SEC63: variants seen among roughly 807,000 people sequenced by gnomAD.
SEC63 encodes the protein translocation protein SEC63 homolog.
In SEC63, 56 loss-of-function variants were observed where a neutral mutation model predicts 116.2. The observed-to-expected ratio is 0.48, with a 90% CI of 0.39 to 0.60. The LOEUF (loss-of-function observed/expected upper bound fraction) is 0.60, where lower values mean the gene tolerates loss of function less well. Among genes scored for constraint, SEC63 ranks in the 20% least tolerant of loss-of-function variants. SEC63 has a pLI of 0.00. For missense variants in SEC63, 668 were observed against 900.0 expected (o/e 0.74, Z 3.30); for synonymous variants, 273 against 294.6 (o/e 0.93, Z 0.75).
rs747262600 is a variant in SEC63 at position 107,929,495 on chromosome 6, A to G, written c.144T>C (p.Asn48=). The change falls in exon 2 of 21, where the codon AAT becomes AAC. Residue 48 remains asparagine (N), a synonymous_variant. Coordinates refer to ENST00000369002, the MANE Select transcript of SEC63 (RefSeq NM_007214.5). ...TACACCTTCCATATACTTTTCTGATATTCTTTAATCGAATTTGCTCTGTCA... is the reference window on the plus strand; with the variant it reads ...TACACCTTCCATATACTTTTCTGATGTTCTTTAATCGAATTTGCTCTGTCA... ...DQNAEQIRLK[N]IRKVYGRCMW... The G allele has an allele frequency of 8.1e-6, 13 of 1,595,912 alleles. No individual in the cohort carries two copies. The East Asian group carries it at 2.9e-4, about 36-fold the overall frequency.
chr6:107,886,934 T>C (rs1390839074), intron 16 of SEC63, among the ~76,000 whole-genome samples: 1 of 151,916 alleles, frequency 6.6e-6, no homozygotes, highest in Non-Finnish European at 1.5e-5. Context: ...TTGCTTTTAG[T>C]GTTTTAGTCA....
chr6:107,873,341 A>G (rs1786176338), intron 19 of SEC63, among the ~76,000 whole-genome samples: 2 of 152,218 alleles, frequency 1.3e-5, no homozygotes, highest in Admixed American at 6.5e-5. Context: ...CCAAAGGTCA[A>G]GAAGATATTT....
At chr6:107,953,111 T>C (rs2114522172) in intron 1 of SEC63, among the ~76,000 whole-genome samples, 1 of 152,138 alleles carries the variant, frequency 6.6e-6, no homozygotes, top group African/African-American at 2.4e-5. Context: ...AATACAAAAA[T>C]AAGCCAGGCA....
At chr6:107,920,941 AC>A (rs1165382515) in intron 4 of SEC63, among the ~76,000 whole-genome samples, 2 of 152,214 alleles carry the variant, frequency 1.3e-5, no homozygotes, top group Non-Finnish European at 2.9e-5. Flanking sequence ...AAGGCATAAG[AC>A]CAACAAGGAA....
At chr6:107,954,318 C>T (rs1488201519) in intron 1 of SEC63, among the ~76,000 whole-genome samples, 10 of 151,796 alleles carry the variant, frequency 6.6e-5, no homozygotes, top group African/African-American at 2.2e-4. Flanking sequence ...TACCCAGGGA[C>T]ACAAACACTG....
chr6:107,935,292 C>T (rs1374004540), intron 1 of SEC63, among the ~76,000 whole-genome samples: 1 of 151,762 alleles, frequency 6.6e-6, no homozygotes. Flanking sequence ...GGGAGGTGTG[C>T]CCAACAGCTC....
intron 16 of SEC63, among the ~76,000 whole-genome samples, chr6:107,892,665 T>C (rs1786711254): frequency 2.6e-5 from 4 of 152,148 alleles, no homozygotes; most frequent in African/African-American, 9.7e-5. Context: ...ATTCCTACAA[T>C]TTCAGTAACA....
At chr6:107,905,576 A>G (rs546911581) in intron 10 of SEC63, among the ~76,000 whole-genome samples, 2 of 152,342 alleles carry the variant, frequency 1.3e-5, no homozygotes, top group African/African-American at 2.4e-5. Context: ...GCCTCCATCA[A>G]CTACTTTTCT....
chr6:107,906,633 T>C (rs1250169936), intron 9 of SEC63, 50 bp downstream of exon 9: 1 of 1,603,960 alleles, frequency 6.2e-7, no homozygotes, highest in African/African-American at 1.3e-5. Flanking sequence ...AAAAAAGTAT[T>C]CACTTTAATA....
At chr6:107,903,685 G>A (rs1038958470) in intron 11 of SEC63, among the ~76,000 whole-genome samples, 3 of 152,148 alleles carry the variant, frequency 2.0e-5, no homozygotes, top group Admixed American at 6.5e-5. Context: ...AGCCCTGGTA[G>A]ATGCTGTCTA....
Position 107,908,921 on chromosome 6 carries a change from A to G in SEC63, c.733+6T>C. ...TTAATAGCAAAGTTACTTAAAGTTT[A>G]CTTACGTTTCATATCCATATTTCGG... On this transcript the variant is annotated splice_donor_region_variant and intron_variant, in intron 8 of 20. Coordinates refer to ENST00000369002, the MANE Select transcript of SEC63 (RefSeq NM_007214.5). The G allele has an allele frequency of 1.3e-6, 2 of 1,537,144 alleles. No homozygotes were observed. Among genetic ancestry groups the G allele is most frequent in the Non-Finnish European group, 1.8e-6 (2 of 1,110,964 alleles).
At chr6:107,944,468 T>C in intron 1 of SEC63, among the ~76,000 whole-genome samples, 1 of 151,976 alleles carries the variant, frequency 6.6e-6, no homozygotes, top group East Asian at 1.9e-4. Context: ...GAGGCCGAGG[T>C]GGGCACATCA....
chr6:107,895,756 C>T (rs1442099112), intron 14 of SEC63, among the ~76,000 whole-genome samples: 1 of 151,514 alleles, frequency 6.6e-6, no homozygotes, highest in Non-Finnish European at 1.5e-5. Flanking sequence ...GGCATGGTGG[C>T]TCATGCCTGT....
chr6:107,882,418 A>G (rs547406464), intron 17 of SEC63, among the ~76,000 whole-genome samples: 9 of 152,122 alleles, frequency 5.9e-5, no homozygotes, highest in Non-Finnish European at 1.2e-4. Context: ...ATGCCATGAG[A>G]TTTTTCTCCT....
chr6:107,925,409 A>C lies in SEC63; in HGVS notation c.225-477T>G, dbSNP rs538128884. On this transcript the variant is annotated intron_variant, in intron 2 of 20. Coordinates refer to ENST00000369002, the MANE Select transcript of SEC63 (RefSeq NM_007214.5). Reference sequence around the variant, plus strand: ...GGAAACAACCTAAATTACGGCTCACAGGAACTGATTAAATAAACTATTTAC... The same window carrying C: ...GGAAACAACCTAAATTACGGCTCACCGGAACTGATTAAATAAACTATTTAC... 3.3e-5 allele frequency among the ~76,000 whole-genome samples: 5 copies of C among 152,342 alleles called. No homozygotes were observed. In the East Asian group the frequency reaches 9.6e-4, roughly 29 times the overall value.
chr6:107,916,657 C>T (rs1787406811), intron 4 of SEC63, among the ~76,000 whole-genome samples: 1 of 152,216 alleles, frequency 6.6e-6, no homozygotes. Context: ...CTTCATGTCC[C>T]TCTCTCACAT....
chr6:107,915,846 T>C (rs1787388775), intron 4 of SEC63, among the ~76,000 whole-genome samples: 1 of 152,222 alleles, frequency 6.6e-6, no homozygotes, highest in Non-Finnish European at 1.5e-5. Flanking sequence ...CTTTATCTAA[T>C]ATAGTTATAT....
chr6:107,919,474 C>G (rs75583220), intron 4 of SEC63, among the ~76,000 whole-genome samples: 1 of 152,022 alleles, frequency 6.6e-6, no homozygotes, highest in East Asian at 1.9e-4. Flanking sequence ...TAAAATATTA[C>G]GTAAACTTAG....
At chr6:107,873,005 G>GT (rs1440259614) in intron 19 of SEC63, 93 bp from the exon 20 acceptor site, 6 of 782,044 alleles carry the variant, frequency 7.7e-6, no homozygotes, top group Non-Finnish European at 1.1e-5. Context: ...TAACAGCCAG[G>GT]TTTTTTCTGC....
Sources: gnomAD v4.1 joint callset for allele counts (sites outside exome capture counted in the v4.1 genomes callset) on GRCh38, gnomAD v4.1.1 for gene constraint, MANE v1.5 for transcripts, NCBI Gene and HGNC (gene_info 2026-07-23, HGNC 2026-07-21) for gene names.